Variants in RASGRF2 observed in about 807,000 individuals in gnomAD.
The protein encoded by RASGRF2 is ras-specific guanine nucleotide-releasing factor 2.
RASGRF2 carries 76 observed loss-of-function variants against 151.0 expected under a neutral mutation model. That is an observed-to-expected ratio of 0.50 (90% CI 0.42 to 0.61). The LOEUF is 0.61. Ranked by LOEUF, RASGRF2 falls within the 20% of genes least tolerant of loss-of-function variation. The pLI is 0.00. For synonymous variants in RASGRF2, 504 were observed against 566.5 expected, an observed-to-expected ratio of 0.89 and a Z score of 1.57; for missense variants, 1,148 against 1,564.6, an observed-to-expected ratio of 0.73 and a Z score of 4.49.
intron 2 of RASGRF2, among the ~76,000 whole-genome samples, chr5:81,055,942 T>C (rs780526742): frequency 8.5e-5 from 13 of 152,196 alleles, no homozygotes; most frequent in Non-Finnish European, 1.5e-4. Context: ...TATTCTCTGG[T>C]GGTAGTTTGT....
chr5:81,050,530 G>A (rs901779053), intron 2 of RASGRF2, among the ~76,000 whole-genome samples: 1 of 152,082 alleles, frequency 6.6e-6, no homozygotes, highest in African/African-American at 2.4e-5. Flanking sequence ...CCTCTGAGCT[G>A]ACCTCTGCGA....
intron 25 of RASGRF2, among the ~76,000 whole-genome samples, chr5:81,218,002 A>C (rs908218669): frequency 1.3e-5 from 2 of 152,142 alleles, no homozygotes; most frequent in East Asian, 3.9e-4. Flanking sequence ...TGGGACTCCC[A>C]AAGTGCTAGG....
rs1430513686 is a variant in RASGRF2, at chr5:81,203,861, C to CAGT, written c.2906+2423_2906+2425dup. On this transcript the variant is annotated intron_variant, in intron 19 of 26. Transcript: ENST00000265080. The stretch of plus-strand genomic sequence containing the variant: ...GTATTATTACTGTTAGAAGCACTGA[C>CAGT]AGTAGTTCCTGGAAAAAGTAGTTTC... Among the ~76,000 whole-genome samples, 3 of 152,246 alleles carry CAGT rather than the reference C, an allele frequency of 2.0e-5. No homozygotes were observed. In the East Asian group the frequency reaches 5.8e-4, roughly 29 times the overall value.
At chr5:81,028,265 A>AAATCATAAATTTTAATTTGCATTTAAAG (rs1439660675) in intron 1 of RASGRF2, among the ~76,000 whole-genome samples, 782 of 58,688 alleles carry the variant, frequency 0.013, 1 homozygote, top group Non-Finnish European at 0.02. Context: ...TGCATTTAAA[A>AAATCATAAATTTTAATTTGCATTTAAAG]TGCAAATCAT....
chr5:81,162,658 TTTAA>T (rs1422337325), intron 17 of RASGRF2, among the ~76,000 whole-genome samples: 1 of 152,136 alleles, frequency 6.6e-6, no homozygotes, highest in African/African-American at 2.4e-5. Context: ...AATGTGCTGT[TTTAA>T]TTGAGTGCCA....
intron 5 of RASGRF2, among the ~76,000 whole-genome samples, chr5:81,078,388 A>G (rs963246774): frequency 1.3e-5 from 2 of 152,134 alleles, no homozygotes; most frequent in Admixed American, 6.6e-5. Flanking sequence ...CCCTCTCTTC[A>G]TCCTTTCCTT....
chr5:81,201,824 G>C (rs1281986368), intron 19 of RASGRF2, among the ~76,000 whole-genome samples: 1 of 152,204 alleles, frequency 6.6e-6, no homozygotes, highest in African/African-American at 2.4e-5. Flanking sequence ...TGTGAGTGTG[G>C]TTGTGTCTGT....
intron 1 of RASGRF2, among the ~76,000 whole-genome samples, chr5:80,996,827 T>C (rs1486343685): frequency 9.2e-5 from 14 of 151,682 alleles, no homozygotes; most frequent in Admixed American, 9.2e-4. Context: ...CTCAAACTCC[T>C]GGCCTCAAGT....
At position 81,229,714 on chromosome 5, in the gene RASGRF2, G is replaced by C. The variant is rs1308730209; in HGVS notation, c.*3944G>C. ...AGAAAGCCAGTTATGAAAGAGAGCT[G>C]GCCTAGGCATCCCGGCCCTGAGTCC... is the stretch of plus-strand genomic sequence containing the variant. On this transcript the variant is annotated 3_prime_UTR_variant, in exon 27 of 27. Coordinates refer to ENST00000265080, the MANE Select transcript of RASGRF2 (RefSeq NM_006909.3). 2 of 152,180 alleles carry C rather than the reference G, an allele frequency of 1.3e-5. No homozygotes were observed. The highest frequency in any genetic ancestry group is 2.9e-5 in the Non-Finnish European group (2 of 68,038). 9.4% of individuals were successfully genotyped at this position (152,180 alleles called of 1,614,324 possible).
intron 2 of RASGRF2, among the ~76,000 whole-genome samples, chr5:81,065,297 G>A (rs1350027197): frequency 6.6e-6 from 1 of 152,066 alleles, no homozygotes; most frequent in African/African-American, 2.4e-5. Context: ...AAATTTAGTG[G>A]CTTAAGTTCT....
chr5:81,129,889 G>A (rs906660206), intron 17 of RASGRF2, among the ~76,000 whole-genome samples: 1 of 152,184 alleles, frequency 6.6e-6, no homozygotes, highest in African/African-American at 2.4e-5. Flanking sequence ...TATTTGAGAT[G>A]AGCCCATTCC....
At chr5:80,996,860 A>G (rs965778408) in intron 1 of RASGRF2, among the ~76,000 whole-genome samples, 27 of 151,780 alleles carry the variant, frequency 1.8e-4, no homozygotes, top group African/African-American at 6.3e-4. Context: ...TCAGCCTCTC[A>G]AAGTTGTTTT....
intron 19 of RASGRF2, among the ~76,000 whole-genome samples, chr5:81,205,644 C>T (rs1158186973): frequency 6.6e-6 from 1 of 152,252 alleles, no homozygotes; most frequent in Admixed American, 6.5e-5. Context: ...CTTCCTCTTA[C>T]TCTAGTTTCT....
chr5:81,207,217 G>A, intron 20 of RASGRF2, 29 bp from the exon 21 acceptor site: 1 of 1,603,740 alleles, frequency 6.2e-7, no homozygotes, highest in Non-Finnish European at 8.5e-7. Context: ...TCTCCTGGGT[G>A]TTTCATTTCC....
rs545362869 is a variant in RASGRF2, at chr5:81,034,559, A to T, written c.289-8318A>T. 7.2e-3 allele frequency among the ~76,000 whole-genome samples: 1,089 copies of T among 151,960 alleles called. 8 individuals are homozygous for T. The highest frequency in any genetic ancestry group is 0.013 in the Non-Finnish European group (865 of 67,896). ...GACTTGGAACCAACCCAAATGTCCA[A>T]GAATGATAGACTGGATTAAGAAAAT... On this transcript the variant is annotated intron_variant, in intron 1 of 26. Coordinates refer to ENST00000265080, the MANE Select transcript of RASGRF2 (RefSeq NM_006909.3).
At chr5:81,188,429 A>T (rs1755079801) in intron 18 of RASGRF2, among the ~76,000 whole-genome samples, 1 of 152,186 alleles carries the variant, frequency 6.6e-6, no homozygotes, top group African/African-American at 2.4e-5. Flanking sequence ...ACTCTGAGCA[A>T]GGAGGACGAA....
At chr5:81,222,265 C>G (rs1755872041) in intron 26 of RASGRF2, among the ~76,000 whole-genome samples, 1 of 152,166 alleles carries the variant, frequency 6.6e-6, no homozygotes, top group Non-Finnish European at 1.5e-5. Flanking sequence ...GCCCCCAACT[C>G]TATTCTATTA....
chr5:81,195,635 A>T (rs550551536), intron 18 of RASGRF2, among the ~76,000 whole-genome samples: 1 of 149,876 alleles, frequency 6.7e-6, no homozygotes, highest in Non-Finnish European at 1.5e-5. Context: ...CAAAAGGTGG[A>T]CCCCGGGCCA....
intron 1 of RASGRF2, among the ~76,000 whole-genome samples, chr5:81,035,327 C>G (rs1458645131): frequency 6.6e-6 from 1 of 152,222 alleles, no homozygotes; most frequent in East Asian, 1.9e-4. Context: ...ATGGATGAAG[C>G]TGGAAACCAT....
Sources: allele counts gnomAD v4.1 joint callset (sites outside exome capture counted in the v4.1 genomes callset), GRCh38; gene constraint gnomAD v4.1.1; transcripts MANE v1.5; gene names NCBI Gene and HGNC (gene_info 2026-07-23, HGNC 2026-07-21).